SVIP: variants seen among roughly 807,000 people sequenced by gnomAD.
SVIP encodes the protein small VCP interacting protein.
Under a neutral mutation model 12.9 loss-of-function variants are expected in SVIP, and 14 were observed. The ratio of observed to expected loss-of-function variants is 1.08; its 90% CI spans 0.72 to 1.70. The LOEUF is 1.70. Ranked by LOEUF, SVIP falls within the 40% of genes most tolerant of loss-of-function variation. The probability of loss-of-function intolerance (pLI) is 0.00; values close to 1 mark genes in which losing one functional copy is unlikely to be tolerated. For synonymous variants in SVIP, 35 were observed against 33.3 expected (o/e 1.05, Z -0.17); for missense variants, 93 against 90.8 (o/e 1.02, Z -0.10).
intron 1 of SVIP, 98 bp downstream of exon 1, chr11:22,829,597 G>T: frequency 1.5e-6 from 2 of 1,295,188 alleles, no homozygotes; most frequent in East Asian, 2.7e-5. Flanking sequence ...GCGGGCTCTC[G>T]ACCTGCGCCA....
In SVIP at chr11:22,823,006, T is replaced by A. The variant is rs923940694; in HGVS notation, c.*113A>T. On this transcript the variant is annotated 3_prime_UTR_variant, in exon 4 of 4. Coordinates refer to ENST00000354193, the MANE Select transcript of SVIP (RefSeq NM_148893.3). ...GCATTGCACTTAAGGGCAATAATAT[T>A]ACAAAGTCTGAATCTTCATTTACTC... 6 of 943,648 alleles carry A rather than the reference T, an allele frequency of 6.4e-6. No individual in the cohort carries two copies. The highest frequency in any genetic ancestry group is 6.5e-5 in the Admixed American group (2 of 30,982). 58.5% of individuals were successfully genotyped at this position (943,648 alleles called of 1,614,324 possible). A position where few individuals can be genotyped will look rare whatever the true frequency, so the allele number is the denominator to read the frequency against.
rs992735144 is a variant in SVIP at position 22,829,608 on chromosome 11, C to T, written c.54+87G>A. 1.2e-5 allele frequency: 16 copies of T among 1,379,504 alleles called. No homozygotes were observed. In the South Asian group the frequency reaches 1.3e-4, roughly 11 times the overall value. The allele number at this position is 1,379,504 out of a possible 1,614,324, so 85.5% of individuals were successfully genotyped here. A position where few individuals can be genotyped will look rare whatever the true frequency, so the allele number is the denominator to read the frequency against. ...CCCAGCGGGCTCTCGACCTGCGCCACCAGGTACAATGGCTCGGCCCGCCCC... is the reference window on the plus strand; with the variant it reads ...CCCAGCGGGCTCTCGACCTGCGCCATCAGGTACAATGGCTCGGCCCGCCCC... On this transcript the variant is annotated intron_variant, in intron 1 of 3. Coordinates refer to ENST00000354193, the MANE Select transcript of SVIP (RefSeq NM_148893.3).
Position 22,829,588 on chromosome 11 carries a change from C to A in SVIP, c.54+107G>T, listed in dbSNP as rs1026136930. 30 of 1,180,342 alleles carry A rather than the reference C, an allele frequency of 2.5e-5. 1 individual carries two copies. In the Middle Eastern group the frequency reaches 8.3e-4, roughly 33 times the overall value. The allele number at this position is 1,180,342 out of a possible 1,614,324, so 73.1% of individuals were successfully genotyped here. On this transcript the variant is annotated intron_variant, in intron 1 of 3. Coordinates refer to ENST00000354193, the MANE Select transcript of SVIP (RefSeq NM_148893.3). ...CGTCCTCGCTAGCAGGGTCCCCCAGCGGGCTCTCGACCTGCGCCACCAGGT... is the reference window on the plus strand; with the variant it reads ...CGTCCTCGCTAGCAGGGTCCCCCAGAGGGCTCTCGACCTGCGCCACCAGGT...
chr11:22,827,351 G>A, intron 2 of SVIP, 31 bp from the exon 3 acceptor site: 1 of 1,560,016 alleles, frequency 6.4e-7, no homozygotes, highest in Non-Finnish European at 8.7e-7. Context: ...AAAACAGAAA[G>A]ACAACAAAAA....
chr11:22,819,379 TTGAGA>T lies in SVIP; in HGVS notation c.*3735_*3739del, dbSNP rs1857409379. 1 of 152,208 alleles carries T rather than the reference TTGAGA, an allele frequency of 6.6e-6. No homozygotes were observed. The highest frequency in any genetic ancestry group is 1.5e-5 in the Non-Finnish European group (1 of 68,028). The allele number at this position is 152,208 out of a possible 1,614,324, so 9.4% of individuals were successfully genotyped here. ...TGTGTGCAAAACTAATTAGTTCCAC[TTGAGA>T]TAAGTTAGAGGTACTTGCAAAGAAT... On this transcript the variant is annotated 3_prime_UTR_variant, in exon 4 of 4. Transcript: ENST00000354193.
At chr11:22,829,281 A>C (rs947044956) in intron 1 of SVIP, 1 of 168,878 alleles carries the variant, frequency 5.9e-6, no homozygotes. Context: ...TGGTAGACAC[A>C]GTTGAAAACG....
rs147353550 is a variant in SVIP, at chr11:22,822,148, G to A, written c.*971C>T. 6.6e-6 allele frequency: 1 copy of A among 152,104 alleles called. No homozygotes were observed. Among genetic ancestry groups the A allele is most frequent in the Admixed American group, 6.5e-5 (1 of 15,284 alleles). The allele number at this position is 152,104 out of a possible 1,614,324, so 9.4% of individuals were successfully genotyped here. On this transcript the variant is annotated 3_prime_UTR_variant, in exon 4 of 4. Transcript: ENST00000354193. ...GTTTCTAATGAACAAAAATGTTAAG[G>A]TTTATGACTATGCATTGTATAGAAT...
At position 22,821,184 on chromosome 11, in the gene SVIP, T is replaced by C. The variant is rs561835260; in HGVS notation, c.*1935A>G. 1 of 149,452 alleles carries C rather than the reference T, an allele frequency of 6.7e-6. No homozygotes were observed. The highest frequency in any genetic ancestry group is 1.9e-4 in the East Asian group (1 of 5,144). The allele number at this position is 149,452 out of a possible 1,614,324, so 9.3% of individuals were successfully genotyped here. A position where few individuals can be genotyped will look rare whatever the true frequency, so the allele number is the denominator to read the frequency against. On this transcript the variant is annotated 3_prime_UTR_variant, in exon 4 of 4. Transcript: ENST00000354193. ...GTCATGTTTTTAGTCATTTGCTTTT[T>C]TTTTTAGTCATTTACCGGTTTCTCA...
rs1362039735 is a variant in SVIP, at chr11:22,819,470, TTATAAA to T, written c.*3643_*3648del. On this transcript the variant is annotated 3_prime_UTR_variant, in exon 4 of 4. Transcript: ENST00000354193. Reference sequence around the variant, plus strand: ...CTCAAAACTCAACACAAATTTGGTATTATAAATATAGCCAATGCAGGCCGGGCGCGG... The same window carrying T: ...CTCAAAACTCAACACAAATTTGGTATTATAGCCAATGCAGGCCGGGCGCGG... 6.6e-6 allele frequency: 1 copy of T among 152,196 alleles called. No homozygotes were observed. Among genetic ancestry groups the T allele is most frequent in the African/African-American group, 2.4e-5 (1 of 41,434 alleles). The allele number at this position is 152,196 out of a possible 1,614,324, so 9.4% of individuals were successfully genotyped here. A position where few individuals can be genotyped will look rare whatever the true frequency, so the allele number is the denominator to read the frequency against.
At chr11:22,829,623 C>T (rs965390910) in intron 1 of SVIP, 72 bp downstream of exon 1, 41 of 1,468,184 alleles carry the variant, frequency 2.8e-5, no homozygotes, top group African/African-American at 4.3e-5. Context: ...TACAATGGCT[C>T]GGCCCGCCCC....
chr11:22,820,741 A>C lies in SVIP; in HGVS notation c.*2378T>G, dbSNP rs1019963859. The C allele has an allele frequency of 6.6e-6, 1 of 152,232 alleles. No individual in the cohort carries two copies. Among genetic ancestry groups the C allele is most frequent in the Non-Finnish European group, 1.5e-5 (1 of 68,038 alleles). The allele number at this position is 152,232 out of a possible 1,614,324, so 9.4% of individuals were successfully genotyped here. A position where few individuals can be genotyped will look rare whatever the true frequency, so the allele number is the denominator to read the frequency against. On this transcript the variant is annotated 3_prime_UTR_variant, in exon 4 of 4. Coordinates refer to ENST00000354193, the MANE Select transcript of SVIP (RefSeq NM_148893.3). ...CAAACAGAAACACAGAGATGTTTTA[A>C]AAAACATGCAGCACGTTACAAAGAG...
Position 22,829,792 on chromosome 11 carries a change from A to G in SVIP, c.-44T>C, listed in dbSNP as rs750065977. The G allele has an allele frequency of 6.0e-5, 93 of 1,561,192 alleles. No individual in the cohort carries two copies. The Middle Eastern group carries it at 1.5e-3, about 25-fold the overall frequency. On this transcript the variant is annotated 5_prime_UTR_variant, in exon 1 of 4. Coordinates refer to ENST00000354193, the MANE Select transcript of SVIP (RefSeq NM_148893.3). ...ACCCTGACCGGGTCCGGCCCAGGCCAGGCGGCGCTAACTGCGCGGTCCGGA... is the reference window on the plus strand; with the variant it reads ...ACCCTGACCGGGTCCGGCCCAGGCCGGGCGGCGCTAACTGCGCGGTCCGGA...
rs1857774070 is a variant in SVIP at position 22,827,764 on chromosome 11, A to G, written c.105+60T>C. ...TTAGAAAATCTAGCTATGGACATCT[A>G]TGAAGAATAAAGTCCAAACTCAATT... On this transcript the variant is annotated intron_variant, in intron 2 of 3. Coordinates refer to ENST00000354193, the MANE Select transcript of SVIP (RefSeq NM_148893.3). The G allele has an allele frequency of 8.0e-6, 11 of 1,378,256 alleles. No homozygotes were observed. The South Asian group carries it at 1.5e-4, about 19-fold the overall frequency. 85.4% of individuals were successfully genotyped at this position (1,378,256 alleles called of 1,614,324 possible). A position where few individuals can be genotyped will look rare whatever the true frequency, so the allele number is the denominator to read the frequency against.
intron 3 of SVIP, among the ~76,000 whole-genome samples, chr11:22,826,195 G>A (rs1857695302): frequency 1.3e-5 from 2 of 152,084 alleles, no homozygotes; most frequent in South Asian, 2.1e-4. Context: ...ATGAAGTAAC[G>A]TACAATAGTA....
intron 1 of SVIP, 114 bp downstream of exon 1, chr11:22,829,580 TC>T (rs1240614536): frequency 5.5e-6 from 6 of 1,086,452 alleles, no homozygotes; most frequent in Non-Finnish European, 8.0e-6. Flanking sequence ...GCTAGCAGGG[TC>T]CCCCAGCGGG....
At position 22,821,885 on chromosome 11, in the gene SVIP, A is replaced by C. The variant is rs1271002730; in HGVS notation, c.*1234T>G. 6.6e-6 allele frequency: 1 copy of C among 152,180 alleles called. No homozygotes were observed. Among genetic ancestry groups the C allele is most frequent in the Non-Finnish European group, 1.5e-5 (1 of 68,014 alleles). 9.4% of individuals were successfully genotyped at this position (152,180 alleles called of 1,614,324 possible). ...TAACATGTACAATACACTGCAGTAT[A>C]ACATAATTTTTGTTGGAGGGGTAGA... On this transcript the variant is annotated 3_prime_UTR_variant, in exon 4 of 4. Transcript: ENST00000354193.
At chr11:22,829,639 C>T (rs1857877692) in intron 1 of SVIP, 56 bp downstream of exon 1, 3 of 1,526,780 alleles carry the variant, frequency 2.0e-6, no homozygotes, top group Non-Finnish European at 1.8e-6. Flanking sequence ...GCCCCGCAAC[C>T]CGAGGACAGG....
At chr11:22,825,121 C>T (rs1257959515) in intron 3 of SVIP, among the ~76,000 whole-genome samples, 3 of 152,022 alleles carry the variant, frequency 2.0e-5, no homozygotes, top group Non-Finnish European at 4.4e-5. Flanking sequence ...TAGACTCATA[C>T]TCTAGGTAGA....
At chr11:22,828,557 T>C (rs1215152636) in intron 1 of SVIP, among the ~76,000 whole-genome samples, 2 of 152,106 alleles carry the variant, frequency 1.3e-5, no homozygotes, top group Non-Finnish European at 2.9e-5. Context: ...GTGGGGAATA[T>C]ATTTTGTTTA....
Sources: allele counts gnomAD v4.1 joint callset (sites outside exome capture counted in the v4.1 genomes callset), GRCh38; gene constraint gnomAD v4.1.1; transcripts MANE v1.5; gene names NCBI Gene and HGNC (gene_info 2026-07-23, HGNC 2026-07-21).